RELA: variants seen among roughly 807,000 people sequenced by gnomAD.
RELA encodes RELA proto-oncogene, NF-kB subunit, also known as transcription factor p65.
RELA carries 14 observed loss-of-function variants against 56.7 expected under a neutral mutation model. That is an observed-to-expected ratio of 0.25 (90% CI 0.16 to 0.39). RELA has a LOEUF of 0.39. Among genes scored for constraint, RELA ranks in the 10% least tolerant of loss-of-function variants. The pLI, the probability that RELA is intolerant of heterozygous loss-of-function variation, is 1.00. For synonymous variants in RELA, 315 were observed against 289.7 expected, an observed-to-expected ratio of 1.09 and a Z score of -0.89; for missense variants, 559 against 736.4, an observed-to-expected ratio of 0.76 and a Z score of 2.79.
At position 65,658,617 on chromosome 11, in the gene RELA, GCACAGGAGGAAGTATCCAAAGC is replaced by G. The variant is rs1167115138; in HGVS notation, c.664+79_664+100del. 5.8e-6 allele frequency: 8 copies of G among 1,384,360 alleles called. 1 individual carries two copies. The Admixed American group carries it at 1.4e-4, about 24-fold the overall frequency. 85.8% of individuals were successfully genotyped at this position (1,384,360 alleles called of 1,614,324 possible). The stretch of plus-strand genomic sequence containing the variant: ...CTTCGGCCCACCTGAGGCCCCCGAG[GCACAGGAGGAAGTATCCAAAGC>G]CAGTTACCTGACACTCCACTTCTCT... On this transcript the variant is annotated intron_variant, in intron 7 of 10. Transcript: ENST00000406246. The surrounding 1 kb of genome is among the most constrained non-coding windows in gnomAD (Gnocchi z 4.5).
chr11:65,662,892 C>G lies in RELA; in HGVS notation c.-60G>C. ...CTGGGCCCGCGGCGTGCACTACAGA[C>G]GAGCCATTCGCCAGAGGCGGAAATG... On this transcript the variant is annotated 5_prime_UTR_variant, in exon 1 of 11. Coordinates refer to ENST00000406246, the MANE Select transcript of RELA (RefSeq NM_021975.4). 3 of 1,173,392 alleles carry G rather than the reference C, an allele frequency of 2.6e-6. No homozygotes were observed. Among genetic ancestry groups the G allele is most frequent in the East Asian group, 3.7e-5 (1 of 26,958 alleles). 72.7% of individuals were successfully genotyped at this position (1,173,392 alleles called of 1,614,324 possible). A position where few individuals can be genotyped will look rare whatever the true frequency, so the allele number is the denominator to read the frequency against.
rs34431664 is a variant in RELA at position 65,661,037 on chromosome 11, TAA to T, written c.335+648_335+649del. Among the ~76,000 whole-genome samples, 783 of 109,226 alleles carry T rather than the reference TAA, an allele frequency of 7.2e-3. 12 individuals are homozygous for T. Among genetic ancestry groups the T allele is most frequent in the African/African-American group, 0.025 (678 of 27,438 alleles). The allele number at this position is 109,226 out of a possible 152,430, so 71.7% of individuals were successfully genotyped here. On this transcript the variant is annotated intron_variant, in intron 4 of 10. Transcript: ENST00000406246. ...CTGGGGACAGAGCAAGACTCTTTCT[TAA>T]AAAAAAAAAAAAAAAAAAAAAGACA... is the stretch of plus-strand genomic sequence containing the variant.
chr11:65,662,577 T>C, intron 1 of RELA: 1 of 382,570 alleles, frequency 2.6e-6, no homozygotes, highest in Non-Finnish European at 4.6e-6. Context: ...GGAGGGAAAC[T>C]GAGTCAAGGT....
intron 8 of RELA, among the ~76,000 whole-genome samples, chr11:65,657,010 G>C (rs1270777388): frequency 7.0e-6 from 1 of 141,884 alleles, no homozygotes; most frequent in African/African-American, 2.7e-5. Flanking sequence ...TGGGCGACAA[G>C]AGTGAGACTC....
Position 65,658,282 on chromosome 11 carries a change from T to G in RELA, c.877+5A>C. ...TGCCCTGATGCTGCCACCCCAGCTG[T>G]GTACCTGTATCTGGCAGGTACTGGA... On this transcript the variant is annotated splice_donor_5th_base_variant and intron_variant, in intron 8 of 10. Coordinates refer to ENST00000406246, the MANE Select transcript of RELA (RefSeq NM_021975.4). This position sits in a 1 kb window ranked among gnomAD's most constrained non-coding sequence, Gnocchi z 4.5. 6.3e-7 allele frequency: 1 copy of G among 1,581,094 alleles called. No homozygotes were observed. The highest frequency in any genetic ancestry group is 8.6e-7 in the Non-Finnish European group (1 of 1,163,072).
intron 10 of RELA, chr11:65,655,221 C>A (rs533650189): frequency 1.7e-5 from 10 of 583,778 alleles, no homozygotes; most frequent in Non-Finnish European, 2.4e-5. Flanking sequence ...CTCAAGCCCA[C>A]GAAACTCTTC....
At chr11:65,657,262 G>A (rs1052568772) in intron 8 of RELA, among the ~76,000 whole-genome samples, 8 of 152,192 alleles carry the variant, frequency 5.3e-5, no homozygotes, top group Admixed American at 3.9e-4. Flanking sequence ...TCTGTAAGAC[G>A]CAAAACGGCT....
In RELA at chr11:65,654,784, G is replaced by C; in HGVS notation, c.1250C>G (p.Pro417Arg). Reference protein sequence around the residue: ...PAPVPVLAPGPPQAVAPPAPK... With the variant: ...PAPVPVLAPGRPQAVAPPAPK... ...GGCAGGTGGGGCCACAGCCTGAGGAGGGCCTGGGGCTAGGACTGGGACAGG... is the reference window on the plus strand; with the variant it reads ...GGCAGGTGGGGCCACAGCCTGAGGACGGCCTGGGGCTAGGACTGGGACAGG... The change falls in exon 11 of 11, where the codon CCT becomes CGT. Residue 417 changes from proline (P) to arginine (R), a missense_variant. Coordinates refer to ENST00000406246, the MANE Select transcript of RELA (RefSeq NM_021975.4). 6.6e-7 allele frequency: 1 copy of C among 1,510,768 alleles called. No homozygotes were observed. Among genetic ancestry groups the C allele is most frequent in the Non-Finnish European group, 8.9e-7 (1 of 1,127,426 alleles). The allele number at this position is 1,510,768 out of a possible 1,614,324, so 93.6% of individuals were successfully genotyped here. A position where few individuals can be genotyped will look rare whatever the true frequency, so the allele number is the denominator to read the frequency against.
rs1297621352 is a variant in RELA at position 65,654,204 on chromosome 11, G to C, written c.*174C>G. ...GCTTCTGCTTAAGCACCTCCAAAAAGAGAGAGAGATACAGATACTGACAAT... is the reference window on the plus strand; with the variant it reads ...GCTTCTGCTTAAGCACCTCCAAAAACAGAGAGAGATACAGATACTGACAAT... On this transcript the variant is annotated 3_prime_UTR_variant, in exon 11 of 11. Transcript: ENST00000406246. 6.3e-5 allele frequency: 52 copies of C among 830,102 alleles called. No homozygotes were observed. The highest frequency in any genetic ancestry group is 3.6e-5 in the Non-Finnish European group (18 of 498,718). The allele number at this position is 830,102 out of a possible 1,614,324, so 51.4% of individuals were successfully genotyped here.
chr11:65,655,544 AGGAAGT>A, intron 10 of RELA, 138 bp downstream of exon 10: 1 of 737,170 alleles, frequency 1.4e-6, no homozygotes, highest in Non-Finnish European at 2.3e-6. Context: ...TTAGCATCCC[AGGAAGT>A]CGCTGGTTCC....
Position 65,654,287 on chromosome 11 carries a change from T to C in RELA, c.*91A>G, listed in dbSNP as rs1253690255. 16 of 1,552,624 alleles carry C rather than the reference T, an allele frequency of 1.0e-5. No individual in the cohort carries two copies. Among genetic ancestry groups the C allele is most frequent in the Non-Finnish European group, 1.3e-5 (15 of 1,129,408 alleles). ...AAGACATCCACAAAGTTGGGGGCAG[T>C]TGGAACACACCCCACCAGAATCCGT... is the stretch of plus-strand genomic sequence containing the variant. On this transcript the variant is annotated 3_prime_UTR_variant, in exon 11 of 11. Coordinates refer to ENST00000406246, the MANE Select transcript of RELA (RefSeq NM_021975.4).
At position 65,662,160 on chromosome 11, in the gene RELA, C is replaced by G. The variant is rs370292309; in HGVS notation, c.34+19G>C. The G allele has an allele frequency of 3.1e-5, 50 of 1,589,178 alleles. No individual in the cohort carries two copies. The highest frequency in any genetic ancestry group is 4.3e-5 in the Non-Finnish European group (50 of 1,172,208). On this transcript the variant is annotated intron_variant, in intron 2 of 10. Coordinates refer to ENST00000406246, the MANE Select transcript of RELA (RefSeq NM_021975.4). The stretch of plus-strand genomic sequence containing the variant: ...CTACCCCAGGGAGCACCTCCCCGAC[C>G]GCCGCGGGGGCCACTTACCTGCCGG...
rs780140984 is a variant in RELA at position 65,660,180 on chromosome 11, C to T, written c.371G>A (p.Arg124Gln). The T allele has an allele frequency of 5.6e-6, 9 of 1,614,144 alleles. No individual in the cohort carries two copies. Among genetic ancestry groups the T allele is most frequent in the Non-Finnish European group, 7.6e-6 (9 of 1,180,016 alleles). The change falls in exon 5 of 11, where the codon CGG (arginine) becomes CAG (glutamine). Residue 124 changes from arginine to glutamine, a missense_variant. Arg to Gln is a conservative substitution (Grantham distance 43). Coordinates refer to ENST00000406246, the MANE Select transcript of RELA (RefSeq NM_021975.4). ...CTGACTGATAGCCTGCTCCAGGTCC[C>T]GCTTCTTCACACACTGGATTCCCAG... ...QNLGIQCVKK[R>Q]DLEQAISQRI...
At chr11:65,655,560 C>T in intron 10 of RELA, 128 bp downstream of exon 10, 2 of 913,098 alleles carry the variant, frequency 2.2e-6, no homozygotes, top group Non-Finnish European at 3.5e-6. Flanking sequence ...TCGCTGGTTC[C>T]TGCGCCATCC....
intron 10 of RELA, chr11:65,655,347 G>A (rs900621832): frequency 3.5e-6 from 2 of 572,606 alleles, no homozygotes; most frequent in Admixed American, 3.3e-5. Flanking sequence ...GCAGCGGCCT[G>A]AAGTGCAGAG....
chr11:65,654,549 C>T lies in RELA; in HGVS notation c.1485G>A (p.Glu495=). 2 of 1,613,418 alleles carry T rather than the reference C, an allele frequency of 1.2e-6. No homozygotes were observed. Among genetic ancestry groups the T allele is most frequent in the African/African-American group, 1.3e-5 (1 of 75,024 alleles). ...CTAGGCGAGTTATAGCCTCAGGGTA[C>T]TCCATCAGCATGGGCTCAGTTGTGT... ...APHTTEPMLM[E]YPEAITRLVT... The change falls in exon 11 of 11, where the codon GAG becomes GAA. Residue 495 remains glutamate (E), a synonymous_variant. Transcript: ENST00000406246.
rs555785944 is a variant in RELA, at chr11:65,654,730, G to A, written c.1304C>T (p.Thr435Met). The change falls in exon 11 of 11, where the codon ACG becomes ATG. Residue 435 changes from threonine (T) to methionine (M), a missense_variant. Coordinates refer to ENST00000406246, the MANE Select transcript of RELA (RefSeq NM_021975.4). ...APKPTQAGEG[T>M]LSEALLQLQF... is the part of the protein sequence containing the mutation. ...CAGCTGCAGCAGGGCCTCTGACAGC[G>A]TTCCTTCCCCAGCCTGGGTGGGCTT... The A allele has an allele frequency of 1.6e-5, 24 of 1,525,922 alleles. No homozygotes were observed. Among genetic ancestry groups the A allele is most frequent in the African/African-American group, 1.1e-4 (8 of 72,402 alleles). The allele number at this position is 1,525,922 out of a possible 1,614,324, so 94.5% of individuals were successfully genotyped here.
intron 5 of RELA, 63 bp downstream of exon 5, chr11:65,660,061 C>T (rs1565191376): frequency 3.3e-6 from 5 of 1,499,378 alleles, no homozygotes; most frequent in Non-Finnish European, 4.6e-6. Context: ...GAGGGAGATG[C>T]AGGAAAGGCG....
chr11:65,662,587 T>G, intron 1 of RELA: 1 of 376,230 alleles, frequency 2.7e-6, no homozygotes, highest in Non-Finnish European at 4.7e-6. Context: ...TGAGTCAAGG[T>G]TCCCTCTGCT....
Sources: gnomAD v4.1 joint callset for allele counts (sites outside exome capture counted in the v4.1 genomes callset) on GRCh38, gnomAD v4.1.1 for gene constraint, Gnocchi (gnomAD v3.1) non-coding constraint, MANE v1.5 for transcripts, NCBI Gene and HGNC (gene_info 2026-07-23, HGNC 2026-07-21) for gene names.